The following SPMAP2L variants were observed in gnomAD, a reference collection of about 807,000 sequenced individuals.
SPMAP2L encodes the protein sperm microtubule associated protein 2 like, also known as sperm microtubule associated protein 2-like.
chr4:56,626,030 A>G, the SPMAP2L span, among the ~76,000 whole-genome samples: 1 of 152,212 alleles, frequency 6.6e-6, no homozygotes, highest in Non-Finnish European at 1.5e-5. Flanking sequence ...GCCGATGCCA[A>G]CCATCACATA....
At chr4:56,548,496 G>T in the SPMAP2L span, among the ~76,000 whole-genome samples, 1 of 151,926 alleles carries the variant, frequency 6.6e-6, no homozygotes, top group Non-Finnish European at 1.5e-5. Flanking sequence ...GAAATTTTAA[G>T]TATTTTAATC....
At chr4:56,594,143 C>G in the SPMAP2L span, 1 of 1,610,856 alleles carries the variant, frequency 6.2e-7, no homozygotes, top group East Asian at 2.2e-5. Flanking sequence ...ATCTGCAGAA[C>G]TGGTTGCTGA....
At chr4:56,581,351 A>T in the SPMAP2L span, among the ~76,000 whole-genome samples, 1 of 152,178 alleles carries the variant, frequency 6.6e-6, no homozygotes. Flanking sequence ...GTTACTTGGG[A>T]GGCTGAGGCA....
the SPMAP2L span, chr4:56,593,278 CAGCTGTGCT>C: frequency 8.4e-7 from 1 of 1,188,110 alleles, no homozygotes; most frequent in South Asian, 1.2e-5. Flanking sequence ...AGAGGCGCTG[CAGCTGTGCT>C]ACAGACACAA....
the SPMAP2L span, among the ~76,000 whole-genome samples, chr4:56,587,265 C>CATTG: frequency 0.39 from 59,440 of 150,810 alleles, 12,591 homozygotes; most frequent in Non-Finnish European, 0.47. Context: ...TTCCTTGGTC[C>CATTG]ATTGATTGAT....
the SPMAP2L span, among the ~76,000 whole-genome samples, chr4:56,541,451 TA>T: frequency 6.6e-6 from 1 of 152,332 alleles, no homozygotes; most frequent in African/African-American, 2.4e-5. Context: ...AGTAATTTAA[TA>T]CACTTTTTAA....
At chr4:56,621,801 C>A in the SPMAP2L span, among the ~76,000 whole-genome samples, 1 of 152,060 alleles carries the variant, frequency 6.6e-6, no homozygotes, top group Non-Finnish European at 1.5e-5. Flanking sequence ...TTAATAAAAG[C>A]AAATTGGAGT....
chr4:56,590,538 G>A, the SPMAP2L span, among the ~76,000 whole-genome samples: 7 of 152,198 alleles, frequency 4.6e-5, no homozygotes, highest in Admixed American at 2.6e-4. Flanking sequence ...AATATCCACA[G>A]TTATCTGAAA....
the SPMAP2L span, among the ~76,000 whole-genome samples, chr4:56,577,580 T>C: frequency 6.6e-6 from 1 of 151,988 alleles, no homozygotes. Flanking sequence ...AGTGAGACTC[T>C]GTCTCAAAAT....
the SPMAP2L span, among the ~76,000 whole-genome samples, chr4:56,598,805 A>T: frequency 6.6e-6 from 1 of 152,082 alleles, no homozygotes; most frequent in African/African-American, 2.4e-5. Context: ...CCCCACTCAA[A>T]TCTCACCTTG....
chr4:56,576,274 T>C, the SPMAP2L span, among the ~76,000 whole-genome samples: 3 of 152,136 alleles, frequency 2.0e-5, no homozygotes, highest in African/African-American at 2.4e-5. Flanking sequence ...CTGGAAACTA[T>C]GTTATGTGAA....
the SPMAP2L span, chr4:56,559,330 T>G: frequency 1.7e-6 from 2 of 1,209,300 alleles, no homozygotes; most frequent in Non-Finnish European, 2.1e-6. Flanking sequence ...AAAGAGTCAT[T>G]TTTTATATTT....
the SPMAP2L span, among the ~76,000 whole-genome samples, chr4:56,609,263 G>A: frequency 2.0e-5 from 3 of 151,876 alleles, no homozygotes; most frequent in Admixed American, 6.6e-5. Context: ...GACTGGTCTC[G>A]AACTCCTGAC....
the SPMAP2L span, among the ~76,000 whole-genome samples, chr4:56,536,409 T>C: frequency 6.6e-6 from 1 of 152,224 alleles, no homozygotes; most frequent in African/African-American, 2.4e-5. Flanking sequence ...CTCCTTTTCA[T>C]GGGGTACCAA....
chr4:56,530,973 A>G, the SPMAP2L span: 6 of 1,534,736 alleles, frequency 3.9e-6, no homozygotes, highest in South Asian at 7.1e-5. Flanking sequence ...ACTCCTATGC[A>G]CCTTACGAAC....
chr4:56,593,791 C>G, the SPMAP2L span: 1 of 1,592,544 alleles, frequency 6.3e-7, no homozygotes, highest in Non-Finnish European at 8.6e-7. Flanking sequence ...ACATGGCTAC[C>G]AGCAACATCT....
At chr4:56,591,955 A>G in the SPMAP2L span, among the ~76,000 whole-genome samples, 1 of 152,202 alleles carries the variant, frequency 6.6e-6, no homozygotes, top group African/African-American at 2.4e-5. Flanking sequence ...TTATGAACAA[A>G]GCTAAGTCAC....
chr4:56,585,680 T>G, the SPMAP2L span, among the ~76,000 whole-genome samples: 1 of 152,186 alleles, frequency 6.6e-6, no homozygotes, highest in Non-Finnish European at 1.5e-5. Flanking sequence ...ACCACTTTCT[T>G]TTCTCAAGTT....
At chr4:56,560,594 A>G in the SPMAP2L span, among the ~76,000 whole-genome samples, 1 of 152,144 alleles carries the variant, frequency 6.6e-6, no homozygotes, top group Non-Finnish European at 1.5e-5. Context: ...ACAAGTTTGT[A>G]TCATTTTTTA....
Sources: allele counts gnomAD v4.1 joint callset (sites outside exome capture counted in the v4.1 genomes callset), GRCh38; gene constraint gnomAD v4.1.1; transcripts MANE v1.5; gene names NCBI Gene and HGNC (gene_info 2026-07-23, HGNC 2026-07-21).